XPO4: variants seen among roughly 807,000 people sequenced by gnomAD.
XPO4 encodes exportin-4.
Under a neutral mutation model 143.0 loss-of-function variants are expected in XPO4, and 39 were observed. The observed-to-expected ratio is 0.27, with a 90% CI of 0.21 to 0.36. The LOEUF is 0.36. XPO4 is among the 10% of genes least tolerant of loss of function. XPO4 has a pLI of 1.00. For missense variants in XPO4, 907 were observed against 1,348.0 expected, an observed-to-expected ratio of 0.67 and a Z score of 5.12; for synonymous variants, 439 against 474.0, an observed-to-expected ratio of 0.93 and a Z score of 0.96.
chr13:20,846,175 C>G (rs1445140171), intron 4 of XPO4, among the ~76,000 whole-genome samples: 1 of 152,200 alleles, frequency 6.6e-6, no homozygotes, highest in Non-Finnish European at 1.5e-5. Flanking sequence ...TTGTGTCTTA[C>G]TGCATTCACC....
At chr13:20,794,110 A>G (rs2141501736) in intron 18 of XPO4, among the ~76,000 whole-genome samples, 1 of 152,214 alleles carries the variant, frequency 6.6e-6, no homozygotes, top group Admixed American at 6.5e-5. Flanking sequence ...AGAAATGTGG[A>G]CTGTCCCTTC....
At chr13:20,867,944 T>C (rs2060259349) in intron 2 of XPO4, among the ~76,000 whole-genome samples, 1 of 152,192 alleles carries the variant, frequency 6.6e-6, no homozygotes. Flanking sequence ...AAGGGACAGA[T>C]GGCACATCAT....
intron 6 of XPO4, among the ~76,000 whole-genome samples, chr13:20,839,220 C>T (rs892685659): frequency 1.3e-5 from 2 of 152,016 alleles, no homozygotes; most frequent in Non-Finnish European, 2.9e-5. Flanking sequence ...GCCGAGATCG[C>T]GCCACGGCAC....
At chr13:20,802,960 A>C (rs905697426) in intron 13 of XPO4, among the ~76,000 whole-genome samples, 1 of 152,216 alleles carries the variant, frequency 6.6e-6, no homozygotes, top group Non-Finnish European at 1.5e-5. Context: ...AATGTGATTA[A>C]CTTAGTAGGG....
chr13:20,851,105 CTATGAAAACATTAAG>C, intron 4 of XPO4: 1 of 985,248 alleles, frequency 1.0e-6, no homozygotes, highest in Non-Finnish European at 1.2e-6. Context: ...ATATCTGAGA[CTATGAAAACATTAAG>C]TAAATTCTTG....
intron 18 of XPO4, among the ~76,000 whole-genome samples, chr13:20,791,657 A>G (rs1281256574): frequency 6.6e-6 from 1 of 152,236 alleles, no homozygotes; most frequent in Non-Finnish European, 1.5e-5. Context: ...TTGTATTTAG[A>G]GCACGATCAC....
chr13:20,847,888 A>T (rs1375559223), intron 4 of XPO4, among the ~76,000 whole-genome samples: 1 of 152,258 alleles, frequency 6.6e-6, no homozygotes, highest in East Asian at 1.9e-4. Context: ...TGAAGAATTA[A>T]GTTAATATGT....
rs1304751889 is a variant in XPO4 at position 20,841,179 on chromosome 13, A to AT, written c.727+1715dup. On this transcript the variant is annotated intron_variant, in intron 6 of 22. Transcript: ENST00000255305. ...ATAATTAATATTTTGATAGCTCCATATGGACTGCTAATTTTAAAATATGTC... is the reference window on the plus strand; with the variant it reads ...ATAATTAATATTTTGATAGCTCCATATTGGACTGCTAATTTTAAAATATGTC... 2.0e-5 allele frequency among the ~76,000 whole-genome samples: 3 copies of AT among 152,286 alleles called. No homozygotes were observed. In the South Asian group the frequency reaches 6.2e-4, roughly 32 times the overall value.
At chr13:20,886,893 G>T (rs1165361071) in intron 1 of XPO4, among the ~76,000 whole-genome samples, 1 of 151,912 alleles carries the variant, frequency 6.6e-6, no homozygotes, top group South Asian at 2.1e-4. Flanking sequence ...GACCAAAATG[G>T]AGAAACCCTG....
At chr13:20,869,276 T>C (rs900137923) in intron 1 of XPO4, among the ~76,000 whole-genome samples, 1 of 152,198 alleles carries the variant, frequency 6.6e-6, no homozygotes, top group South Asian at 2.1e-4. Context: ...CAAAAAAATC[T>C]AGACTTCTCT....
Position 20,795,997 on chromosome 13 carries a change from C to G in XPO4, c.2797+79G>C, listed in dbSNP as rs1009917537. ...TAAATTGAATTTCCTCATGAGATGT[C>G]TCTTACAGAAAACAATCCTTTGATT... On this transcript the variant is annotated intron_variant, in intron 18 of 22. Coordinates refer to ENST00000255305, the MANE Select transcript of XPO4 (RefSeq NM_022459.5). 14 of 1,395,188 alleles carry G rather than the reference C, an allele frequency of 1.0e-5. No individual in the cohort carries two copies. In the Admixed American group the frequency reaches 2.3e-4, roughly 23 times the overall value. 86.4% of individuals were successfully genotyped at this position (1,395,188 alleles called of 1,614,324 possible). A position where few individuals can be genotyped will look rare whatever the true frequency, so the allele number is the denominator to read the frequency against.
chr13:20,808,722 T>A, intron 11 of XPO4, 141 bp from the exon 12 acceptor site: 1 of 666,462 alleles, frequency 1.5e-6, no homozygotes, highest in Non-Finnish European at 2.3e-6. Context: ...ACACAACTGT[T>A]GTCATAGCAC....
At chr13:20,820,765 T>C (rs75844907) in intron 9 of XPO4, among the ~76,000 whole-genome samples, 1 of 152,172 alleles carries the variant, frequency 6.6e-6, no homozygotes, top group African/African-American at 2.4e-5. Context: ...TACATAAACA[T>C]AATCATTCTC....
At chr13:20,834,971 AT>A (rs2059899233) in intron 6 of XPO4, among the ~76,000 whole-genome samples, 1 of 152,108 alleles carries the variant, frequency 6.6e-6, no homozygotes, top group Non-Finnish European at 1.5e-5. Flanking sequence ...ATAAATAATA[AT>A]TTTTAAAAAT....
intron 13 of XPO4, among the ~76,000 whole-genome samples, chr13:20,806,358 C>T (rs1300288657): frequency 6.6e-6 from 1 of 151,810 alleles, no homozygotes; most frequent in African/African-American, 2.4e-5. Flanking sequence ...AAATGATATC[C>T]ATATATTTTT....
intron 6 of XPO4, among the ~76,000 whole-genome samples, chr13:20,838,983 G>A (rs2059946406): frequency 6.6e-6 from 1 of 152,192 alleles, no homozygotes; most frequent in Admixed American, 6.5e-5. Flanking sequence ...AAGAAGCAAG[G>A]ATGGGTGCAG....
At chr13:20,878,225 T>C (rs950113105) in intron 1 of XPO4, among the ~76,000 whole-genome samples, 1 of 152,162 alleles carries the variant, frequency 6.6e-6, no homozygotes, top group African/African-American at 2.4e-5. Flanking sequence ...TATAAACTGC[T>C]AATGGTAATA....
At chr13:20,812,139 GGT>G (rs2059590789) in intron 9 of XPO4, among the ~76,000 whole-genome samples, 1 of 152,024 alleles carries the variant, frequency 6.6e-6, no homozygotes. Context: ...GGGAGGCTGA[GGT>G]AGGTGAATCA....
At chr13:20,798,901 G>A (rs971478860) in intron 16 of XPO4, among the ~76,000 whole-genome samples, 3 of 151,892 alleles carry the variant, frequency 2.0e-5, no homozygotes, top group Admixed American at 6.6e-5. Context: ...TGAGTCTGTA[G>A]TCCCAGCCAC....
Sources: gnomAD v4.1 joint callset for allele counts (sites outside exome capture counted in the v4.1 genomes callset) on GRCh38, gnomAD v4.1.1 for gene constraint, MANE v1.5 for transcripts, NCBI Gene and HGNC (gene_info 2026-07-23, HGNC 2026-07-21) for gene names.